C3orf85: variants seen among roughly 807,000 people sequenced by gnomAD.
C3orf85 encodes chromosome 3 open reading frame 85, also known as uncharacterized protein C3orf85.
Under a neutral mutation model 1.7 loss-of-function variants are expected in C3orf85, and 1 was observed. That is an observed-to-expected ratio of 0.60 (90% CI 0.21 to 2.86). The LOEUF is 2.86. Ranked by LOEUF, C3orf85 falls within the 30% of genes most tolerant of loss-of-function variation. C3orf85 has a pLI of 0.22. For missense variants in C3orf85, 29 were observed against 21.3 expected (o/e 1.36, Z -0.72); for synonymous variants, 17 against 8.0 (o/e 2.13, Z -1.90).
Position 109,148,505 on chromosome 3 carries a change from C to G in C3orf85, c.183+119C>G, listed in dbSNP as rs575905822. 7.6e-6 allele frequency: 5 copies of G among 659,774 alleles called. No homozygotes were observed. In the African/African-American group the frequency reaches 8.9e-5, roughly 12 times the overall value. 40.9% of individuals were successfully genotyped at this position (659,774 alleles called of 1,614,324 possible). A position where few individuals can be genotyped will look rare whatever the true frequency, so the allele number is the denominator to read the frequency against. ...CCCTGATTTTTCCTCTCTAGACACT[C>G]TGAACTATATCTGCTTTTTCTTGCC... On this transcript the variant is annotated intron_variant, in intron 3 of 3. Coordinates refer to ENST00000622536, the MANE Select transcript of C3orf85 (RefSeq NM_001351622.2).
intron 2 of C3orf85, among the ~76,000 whole-genome samples, chr3:109,144,587 G>A (rs1268161006): frequency 2.0e-5 from 3 of 152,102 alleles, no homozygotes; most frequent in Non-Finnish European, 2.9e-5. Context: ...ACAAAAGACA[G>A]AATTATTAGA....
intron 2 of C3orf85, among the ~76,000 whole-genome samples, chr3:109,138,034 C>T (rs1425908908): frequency 2.0e-5 from 3 of 152,172 alleles, no homozygotes; most frequent in Non-Finnish European, 2.9e-5. Flanking sequence ...GGCTGGTCCA[C>T]ATTCACCTAT....
chr3:109,148,722 T>G (rs541723691), intron 3 of C3orf85: 1 of 264,104 alleles, frequency 3.8e-6, no homozygotes, highest in African/African-American at 2.3e-5. Context: ...CCAACCTACC[T>G]ACCTAGACTA....
intron 2 of C3orf85, among the ~76,000 whole-genome samples, chr3:109,140,738 C>T (rs552604206): frequency 1.6e-4 from 25 of 152,300 alleles, no homozygotes; most frequent in Middle Eastern, 3.4e-3. Context: ...AAAAGAACCA[C>T]CAGCTCCAAA....
intron 2 of C3orf85, 49 bp from the exon 3 acceptor site, chr3:109,148,204 G>A (rs1178207132): frequency 3.0e-6 from 2 of 677,188 alleles, no homozygotes; most frequent in African/African-American, 3.5e-5. Flanking sequence ...ACATTGAGAT[G>A]TAAACTATTG....
intron 3 of C3orf85, 134 bp from the exon 4 acceptor site, chr3:109,149,671 A>T (rs551905630): frequency 5.1e-6 from 2 of 389,838 alleles, no homozygotes; most frequent in South Asian, 2.9e-4. Context: ...TATGAAAACC[A>T]AATTCTATTT....
At chr3:109,146,670 C>T (rs1406860253) in intron 2 of C3orf85, among the ~76,000 whole-genome samples, 1 of 152,146 alleles carries the variant, frequency 6.6e-6, no homozygotes, top group Non-Finnish European at 1.5e-5. Context: ...CACGACATGG[C>T]AGCTGACTTT....
At chr3:109,148,042 G>C (rs1706819581) in intron 2 of C3orf85, among the ~76,000 whole-genome samples, 1 of 152,138 alleles carries the variant, frequency 6.6e-6, no homozygotes, top group African/African-American at 2.4e-5. Context: ...GGCTTTCAAG[G>C]TGAACTAAAT....
chr3:109,144,839 G>A (rs1183074512), intron 2 of C3orf85, among the ~76,000 whole-genome samples: 1 of 151,938 alleles, frequency 6.6e-6, no homozygotes. Context: ...TGATGGAATT[G>A]GATCTATTTT....
chr3:109,150,081 T>G lies in C3orf85; in HGVS notation c.*187T>G. On this transcript the variant is annotated 3_prime_UTR_variant, in exon 4 of 4. Coordinates refer to ENST00000622536, the MANE Select transcript of C3orf85 (RefSeq NM_001351622.2). Reference sequence around the variant, plus strand: ...CCATGTAGGAAACTGGAATAAGACATTCTCAATAAATGGTAGTTCTCAAAA... The same window carrying G: ...CCATGTAGGAAACTGGAATAAGACAGTCTCAATAAATGGTAGTTCTCAAAA... 1 of 356,770 alleles carries G rather than the reference T, an allele frequency of 2.8e-6. No individual in the cohort carries two copies. Among genetic ancestry groups the G allele is most frequent in the Non-Finnish European group, 5.0e-6 (1 of 200,904 alleles). The allele number at this position is 356,770 out of a possible 1,614,324, so 22.1% of individuals were successfully genotyped here.
Position 109,149,915 on chromosome 3 carries a change from CA to C in C3orf85, c.*22del. The C allele has an allele frequency of 5.0e-6, 2 of 397,958 alleles. No homozygotes were observed. Among genetic ancestry groups the C allele is most frequent in the Non-Finnish European group, 8.9e-6 (2 of 225,324 alleles). The allele number at this position is 397,958 out of a possible 1,614,324, so 24.7% of individuals were successfully genotyped here. On this transcript the variant is annotated 3_prime_UTR_variant, in exon 4 of 4. Transcript: ENST00000622536. ...AGTAAATATGTTTTCCTGGTTAAAGCAGGAGGATGAAGATGGCAGAGGTTGG... is the reference window on the plus strand; with the variant it reads ...AGTAAATATGTTTTCCTGGTTAAAGCGGAGGATGAAGATGGCAGAGGTTGG...
chr3:109,136,867 A>C lies in C3orf85; in HGVS notation c.20A>C (p.Gln7Pro), dbSNP rs776800852. Reference sequence around the variant, plus strand: ...AGGATCATGGCCTATAAAATGCTTCAAGTAGTCCTGTGCTCAACATTGCTT... The same window carrying C: ...AGGATCATGGCCTATAAAATGCTTCCAGTAGTCCTGTGCTCAACATTGCTT... MAYKML[Q>P]VVLCSTLLIG... The change falls in exon 2 of 4, where the codon CAA becomes CCA. Residue 7 changes from glutamine (Q) to proline (P), a missense_variant. Gln to Pro is a moderately conservative substitution (Grantham distance 76). Transcript: ENST00000622536. The C allele has an allele frequency of 2.3e-6, 1 of 426,498 alleles. No homozygotes were observed. The highest frequency in any genetic ancestry group is 7.3e-5 in the South Asian group (1 of 13,776). The allele number at this position is 426,498 out of a possible 1,614,324, so 26.4% of individuals were successfully genotyped here.
intron 3 of C3orf85, 84 bp from the exon 4 acceptor site, chr3:109,149,721 A>G: frequency 2.5e-6 from 1 of 396,592 alleles, no homozygotes; most frequent in Non-Finnish European, 4.5e-6. Context: ...TCTTTTAGGA[A>G]TATCTGTATG....
chr3:109,139,501 G>GA (rs1332582968), intron 2 of C3orf85, among the ~76,000 whole-genome samples: 4 of 151,694 alleles, frequency 2.6e-5, no homozygotes, highest in East Asian at 3.9e-4. Context: ...TGGAAATATG[G>GA]AAAAAAAACA....
intron 2 of C3orf85, among the ~76,000 whole-genome samples, chr3:109,137,991 G>T (rs1303028177): frequency 6.6e-6 from 1 of 152,034 alleles, no homozygotes; most frequent in African/African-American, 2.4e-5. Flanking sequence ...AGGGGGTAAC[G>T]GTGGTGGATG....
chr3:109,142,703 GT>G (rs112792947), intron 2 of C3orf85, among the ~76,000 whole-genome samples: 4,510 of 143,532 alleles, frequency 0.031, 151 homozygotes, highest in East Asian at 0.084. Flanking sequence ...CATGTGCTCT[GT>G]TTTTTTTTTT....
At chr3:109,141,758 G>C (rs2107833736) in intron 2 of C3orf85, among the ~76,000 whole-genome samples, 1 of 152,320 alleles carries the variant, frequency 6.6e-6, no homozygotes, top group South Asian at 2.1e-4. Flanking sequence ...AGTGGGGCGT[G>C]GTGGCTCATG....
chr3:109,140,703 C>G (rs1422755884), intron 2 of C3orf85, among the ~76,000 whole-genome samples: 1 of 152,190 alleles, frequency 6.6e-6, no homozygotes, highest in East Asian at 1.9e-4. Context: ...TTATGAATTT[C>G]CATGTCTACA....
At chr3:109,148,601 C>A in intron 3 of C3orf85, 2 of 499,582 alleles carry the variant, frequency 4.0e-6, no homozygotes, top group Non-Finnish European at 3.6e-6. Flanking sequence ...CCTCTGAAGC[C>A]TTTCCCTTCT....
Sources: gnomAD v4.1 joint callset for allele counts (sites outside exome capture counted in the v4.1 genomes callset) on GRCh38, gnomAD v4.1.1 for gene constraint, MANE v1.5 for transcripts, NCBI Gene and HGNC (gene_info 2026-07-23, HGNC 2026-07-21) for gene names.